The following SIL1 variants were observed in gnomAD, a reference collection of about 807,000 sequenced individuals.
The protein encoded by SIL1 is SIL1 nucleotide exchange factor, also known as nucleotide exchange factor SIL1.
In SIL1, 40 loss-of-function variants were observed where a neutral mutation model predicts 49.1. The observed-to-expected ratio is 0.81, with a 90% CI of 0.63 to 1.06. The LOEUF (loss-of-function observed/expected upper bound fraction) is 1.06. Ranked by LOEUF, SIL1 falls within the 50% of genes least tolerant of loss-of-function variation. The pLI, the probability that SIL1 is intolerant of heterozygous loss-of-function variation, is 0.00. For synonymous variants in SIL1, 253 were observed against 250.8 expected (o/e 1.01, Z -0.08); for missense variants, 500 against 572.6 (o/e 0.87, Z 1.29).
chr5:139,071,702 C>G (rs1769838157), intron 3 of SIL1, among the ~76,000 whole-genome samples: 1 of 141,276 alleles, frequency 7.1e-6, no homozygotes, highest in African/African-American at 2.7e-5. Flanking sequence ...GAGTCTCACT[C>G]TGTCGCCCAG....
At chr5:138,952,245 GC>G (rs1281451701) in intron 7 of SIL1, among the ~76,000 whole-genome samples, 3 of 152,258 alleles carry the variant, frequency 2.0e-5, no homozygotes, top group Non-Finnish European at 4.4e-5. Context: ...CGCTTCCCAA[GC>G]CAGTGCCGGA....
chr5:139,108,943 T>A (rs1197470656), intron 3 of SIL1, among the ~76,000 whole-genome samples: 1 of 152,002 alleles, frequency 6.6e-6, no homozygotes, highest in Admixed American at 6.5e-5. Flanking sequence ...AACGGCCACT[T>A]TAGAACCAAG....
Position 138,962,302 on chromosome 5 carries a change from CCA to C in SIL1, c.768-10420_768-10419del, listed in dbSNP as rs1209868248. Among the ~76,000 whole-genome samples, 937 of 151,552 alleles carry C rather than the reference CCA, an allele frequency of 6.2e-3. 11 individuals are homozygous for C. Among genetic ancestry groups the C allele is most frequent in the African/African-American group, 0.022 (915 of 41,272 alleles). On this transcript the variant is annotated intron_variant, in intron 7 of 9. Coordinates refer to ENST00000394817, the MANE Select transcript of SIL1 (RefSeq NM_022464.5). ...TAAAAGCCAATGACCTGGACTTTTT[CCA>C]TTTTTTTTTTTTTCCTCTTCACCAA...
chr5:139,039,107 T>C (rs1768982983), intron 5 of SIL1, among the ~76,000 whole-genome samples: 1 of 152,214 alleles, frequency 6.6e-6, no homozygotes, highest in Admixed American at 6.5e-5. Context: ...GAGTATCCAT[T>C]GGGCAGAGGA....
chr5:139,157,294 C>T (rs923856992), intron 1 of SIL1, among the ~76,000 whole-genome samples: 42 of 152,304 alleles, frequency 2.8e-4, no homozygotes, highest in African/African-American at 8.4e-4. Context: ...CTGAGAAGCT[C>T]CTAACCTTTG....
rs191924938 is a variant in SIL1 at position 138,948,570 on chromosome 5, C to G, written c.1030-1097G>C. On this transcript the variant is annotated intron_variant, in intron 9 of 9. Transcript: ENST00000394817. This position sits in a 1 kb window ranked among gnomAD's most constrained non-coding sequence, Gnocchi z 4.8. ...CGGCCTGGACCCACTCACACCCACT[C>G]CTGTCACTCTAACTCTCCCCTGGGG... Among the ~76,000 whole-genome samples the G allele has an allele frequency of 2.5e-4, 38 of 152,302 alleles. No individual in the cohort carries two copies. Among genetic ancestry groups the G allele is most frequent in the Admixed American group, 5.9e-4 (9 of 15,300 alleles).
chr5:139,144,482 G>A lies in SIL1; in HGVS notation c.-10-16629C>T, dbSNP rs550741244. 2.0e-5 allele frequency among the ~76,000 whole-genome samples: 3 copies of A among 152,324 alleles called. No homozygotes were observed. The East Asian group carries it at 5.8e-4, about 29-fold the overall frequency. On this transcript the variant is annotated intron_variant, in intron 1 of 9. Transcript: ENST00000394817. ...ACATATAGACCAATGGAATAGAATT[G>A]TGAGACCAGAATTAAACCCTCACAT...
chr5:139,056,277 C>T (rs1218596552), intron 3 of SIL1, among the ~76,000 whole-genome samples: 4 of 151,648 alleles, frequency 2.6e-5, no homozygotes, highest in East Asian at 3.9e-4. Flanking sequence ...AGCGTCTCTG[C>T]CCGGCCGCCC....
chr5:139,070,601 A>T (rs2150472789), intron 3 of SIL1, among the ~76,000 whole-genome samples: 1 of 152,344 alleles, frequency 6.6e-6, no homozygotes, highest in Admixed American at 6.5e-5. Context: ...AAAACTATCA[A>T]AGACTATTAG....
At chr5:139,154,184 A>G (rs1222145619) in intron 1 of SIL1, among the ~76,000 whole-genome samples, 4 of 152,236 alleles carry the variant, frequency 2.6e-5, no homozygotes, top group African/African-American at 9.6e-5. Context: ...AATGTAAATA[A>G]CAGTCTCTGT....
chr5:139,081,365 G>A (rs11242445), intron 3 of SIL1, among the ~76,000 whole-genome samples: 1 of 151,946 alleles, frequency 6.6e-6, no homozygotes, highest in African/African-American at 2.4e-5. Flanking sequence ...AGCCATCCTC[G>A]TGCCTTAGCC....
intron 7 of SIL1, among the ~76,000 whole-genome samples, chr5:138,960,863 G>T (rs1484345816): frequency 6.6e-6 from 1 of 152,132 alleles, no homozygotes; most frequent in East Asian, 1.9e-4. Flanking sequence ...TATTATACCG[G>T]CCTAATCTGC....
intron 3 of SIL1, among the ~76,000 whole-genome samples, chr5:139,096,506 C>G (rs994074371): frequency 6.6e-6 from 1 of 151,820 alleles, no homozygotes; most frequent in African/African-American, 2.4e-5. Flanking sequence ...CATCCCTCCT[C>G]TAACCCTAGG....
intron 3 of SIL1, among the ~76,000 whole-genome samples, chr5:139,056,547 G>C (rs1278854782): frequency 3.3e-5 from 5 of 149,510 alleles, no homozygotes; most frequent in South Asian, 2.1e-4. Flanking sequence ...GGAGGGAGGT[G>C]GGGGGGTCAG....
intron 8 of SIL1, 88 bp from the exon 9 acceptor site, chr5:138,951,423 A>C: frequency 7.5e-7 from 1 of 1,333,494 alleles, no homozygotes; most frequent in Non-Finnish European, 1.0e-6. Context: ...GGTGCCCCAA[A>C]TTAGTCCCCA....
At chr5:139,165,524 A>T (rs1233191046) in intron 1 of SIL1, among the ~76,000 whole-genome samples, 1 of 151,832 alleles carries the variant, frequency 6.6e-6, no homozygotes, top group Non-Finnish European at 1.5e-5. Flanking sequence ...AATTTTTTGT[A>T]TTTTTAGTAG....
At chr5:139,050,452 A>C (rs1297071568) in intron 4 of SIL1, among the ~76,000 whole-genome samples, 1 of 152,260 alleles carries the variant, frequency 6.6e-6, no homozygotes, top group East Asian at 1.9e-4. Context: ...CCAGTGGAGA[A>C]TGGCAGTAGC....
At chr5:139,089,934 T>C (rs1770306431) in intron 3 of SIL1, among the ~76,000 whole-genome samples, 1 of 152,210 alleles carries the variant, frequency 6.6e-6, no homozygotes, top group Admixed American at 6.5e-5. Flanking sequence ...CTTCTCACTT[T>C]AAAATGATTA....
rs1199784603 is a variant in SIL1 at position 139,170,874 on chromosome 5, C to T, written c.-11+27395G>A. On this transcript the variant is annotated intron_variant, in intron 1 of 9. Transcript: ENST00000394817. ...GCCGCCCCGTCCGGGAGGTGAGGGG[C>T]GCCTCTGCCCAGCCGCCCCTACTGG... Among the ~76,000 whole-genome samples, 38 of 149,518 alleles carry T rather than the reference C, an allele frequency of 2.5e-4. No individual in the cohort carries two copies. The East Asian group carries it at 6.1e-3, about 24-fold the overall frequency.
Sources: gnomAD v4.1 joint callset for allele counts (sites outside exome capture counted in the v4.1 genomes callset) on GRCh38, gnomAD v4.1.1 for gene constraint, Gnocchi (gnomAD v3.1) non-coding constraint, MANE v1.5 for transcripts, NCBI Gene and HGNC (gene_info 2026-07-23, HGNC 2026-07-21) for gene names.